The following CCDC15 variants were observed in gnomAD, a reference collection of about 807,000 sequenced individuals.
CCDC15 encodes the protein coiled-coil domain-containing protein 15.
Under a neutral mutation model 114.5 loss-of-function variants are expected in CCDC15, and 105 were observed. The ratio of observed to expected loss-of-function variants is 0.92; its 90% CI spans 0.78 to 1.08. The LOEUF (loss-of-function observed/expected upper bound fraction) is 1.08. CCDC15 is among the 50% of genes least tolerant of loss of function. The pLI is 0.00. For missense variants in CCDC15, 1,105 were observed against 1,093.6 expected (o/e 1.01, Z -0.15); for synonymous variants, 334 against 377.8 (o/e 0.88, Z 1.34).
chr11:124,992,535 A>AT (rs1453999793), intron 9 of CCDC15, 45 bp from the exon 10 acceptor site: 31 of 1,180,854 alleles, frequency 2.6e-5, no homozygotes, highest in African/African-American at 3.1e-5. Context: ...GCATTACACA[A>AT]TTTTTTTTCT....
chr11:125,039,815 C>T (rs1394212841), intron 15 of CCDC15, among the ~76,000 whole-genome samples: 1 of 151,938 alleles, frequency 6.6e-6, no homozygotes, highest in Non-Finnish European at 1.5e-5. Context: ...TGGCTCTGGG[C>T]CCTACTCTAG....
intron 13 of CCDC15, among the ~76,000 whole-genome samples, chr11:125,005,549 A>G (rs552315973): frequency 2.6e-5 from 4 of 152,306 alleles, no homozygotes; most frequent in Middle Eastern, 3.4e-3. Context: ...ATGAACCTAC[A>G]TTGACACATT....
intron 5 of CCDC15, among the ~76,000 whole-genome samples, chr11:124,976,453 C>T (rs1947974731): frequency 6.6e-6 from 1 of 152,030 alleles, no homozygotes; most frequent in African/African-American, 2.4e-5. Flanking sequence ...TTGTCTTTTT[C>T]TAGCATTGCC....
intron 13 of CCDC15, among the ~76,000 whole-genome samples, chr11:125,021,125 C>G (rs568469830): frequency 1.1e-3 from 162 of 151,718 alleles, no homozygotes; most frequent in Non-Finnish European, 1.7e-3. Context: ...AGGAGAAGGC[C>G]TAAAATGGAG....
intron 1 of CCDC15, 53 bp from the exon 2 acceptor site, chr11:124,954,671 A>G: frequency 6.5e-7 from 1 of 1,547,404 alleles, no homozygotes; most frequent in Non-Finnish European, 8.9e-7. Context: ...TAGGAGGTTG[A>G]ACTTTTAATG....
intron 13 of CCDC15, among the ~76,000 whole-genome samples, chr11:125,021,961 A>G (rs138056740): frequency 2.5e-4 from 38 of 151,964 alleles, no homozygotes; most frequent in African/African-American, 9.2e-4. Context: ...CTTTTTTTAC[A>G]AGGTTGGGAG....
In CCDC15 at chr11:124,999,854, C is replaced by CTTTTTTT. The variant is rs768089942; in HGVS notation, c.2215-3994_2215-3988dup. On this transcript the variant is annotated intron_variant, in intron 11 of 15. Transcript: ENST00000344762. ...AACTAATTTTAAGTTGTATCCTAGA[C>CTTTTTTT]TTTTTTTTTTTTTTTTTTTTTTTTT... Among the ~76,000 whole-genome samples, 60 of 70,124 alleles carry CTTTTTTT rather than the reference C, an allele frequency of 8.6e-4. 4 individuals are homozygous for CTTTTTTT. The highest frequency in any genetic ancestry group is 1.2e-3 in the Admixed American group (6 of 4,804). The allele number at this position is 70,124 out of a possible 152,430, so 46.0% of individuals were successfully genotyped here. A position where few individuals can be genotyped will look rare whatever the true frequency, so the allele number is the denominator to read the frequency against.
At position 125,001,793 on chromosome 11, in the gene CCDC15, A is replaced by G. The variant is rs111431625; in HGVS notation, c.2215-2074A>G. 6.1e-3 allele frequency among the ~76,000 whole-genome samples: 925 copies of G among 152,292 alleles called. 12 individuals carry two copies. The highest frequency in any genetic ancestry group is 0.021 in the African/African-American group (884 of 41,556). On this transcript the variant is annotated intron_variant, in intron 11 of 15. Transcript: ENST00000344762. ...TGCATATAGCACATTTTATTTATCA[A>G]TTCATCTATTGATGGAAGTTTGGCT... is the stretch of plus-strand genomic sequence containing the variant.
chr11:124,986,788 T>C lies in CCDC15; in HGVS notation c.800T>C (p.Val267Ala). 6.4e-7 allele frequency: 1 copy of C among 1,552,306 alleles called. No individual in the cohort carries two copies. Among genetic ancestry groups the C allele is most frequent in the Non-Finnish European group, 8.7e-7 (1 of 1,147,210 alleles). Residue 267 changes from valine to alanine, a missense_variant, in exon 7 of 16, where the codon GTA (valine) becomes GCA (alanine). Transcript: ENST00000344762. ...GACTATGAGGAATCTTCATCTCTTG[T>C]AACTGATGAGAAAGGGAAAGAAGAT... ...EPDYEESSSL[V>A]TDEKGKEDLF...
At chr11:125,003,697 G>T (rs956596492) in intron 11 of CCDC15, among the ~76,000 whole-genome samples, 170 bp from the exon 12 acceptor site, 2 of 151,818 alleles carry the variant, frequency 1.3e-5, no homozygotes, top group Non-Finnish European at 2.9e-5. Flanking sequence ...TTCTGAAACG[G>T]CTTCCTTTCA....
In CCDC15 at chr11:124,987,401, T is replaced by C; in HGVS notation, c.1175T>C (p.Met392Thr). 1.9e-6 allele frequency: 3 copies of C among 1,614,012 alleles called. No individual in the cohort carries two copies. Among genetic ancestry groups the C allele is most frequent in the Non-Finnish European group, 2.5e-6 (3 of 1,179,890 alleles). Residue 392 changes from methionine (M) to threonine (T), a missense_variant, in exon 8 of 16, where the codon ATG becomes ACG. Physicochemically the swap from Met to Thr is moderately conservative, Grantham distance 81. Transcript: ENST00000344762. ...QPIKTETQGI[M>T]LKAQSIELEE... ...ATTAAGACAGAAACTCAGGGTATTA[T>C]GCTGAAAGCCCAGAGTATTGAGCTA...
chr11:124,963,592 T>G (rs945895199), intron 4 of CCDC15, among the ~76,000 whole-genome samples: 6 of 152,228 alleles, frequency 3.9e-5, no homozygotes, highest in Admixed American at 2.0e-4. Flanking sequence ...TTCTGTAGGT[T>G]GCCTGTTCAC....
At chr11:125,013,613 A>G (rs1250403581) in intron 13 of CCDC15, among the ~76,000 whole-genome samples, 4 of 152,138 alleles carry the variant, frequency 2.6e-5, no homozygotes, top group Non-Finnish European at 5.9e-5. Context: ...GGGTTTGGTC[A>G]AGGGTATTTT....
At chr11:124,958,275 G>A (rs1312853180) in intron 2 of CCDC15, among the ~76,000 whole-genome samples, 1 of 152,050 alleles carries the variant, frequency 6.6e-6, no homozygotes, top group African/African-American at 2.4e-5. Context: ...TCCAACATGC[G>A]GCCATGGGCC....
chr11:125,039,227 T>G (rs1948799088), intron 15 of CCDC15, 158 bp downstream of exon 15: 1 of 525,114 alleles, frequency 1.9e-6, no homozygotes, highest in Admixed American at 3.8e-5. Context: ...GAAAAAATTA[T>G]AATGAGTTAT....
intron 13 of CCDC15, among the ~76,000 whole-genome samples, chr11:125,027,745 C>G (rs1948713830): frequency 6.6e-6 from 1 of 151,694 alleles, no homozygotes; most frequent in Admixed American, 6.6e-5. Flanking sequence ...TAATTAGGTA[C>G]CATTTATTTT....
chr11:124,992,739 C>A, intron 10 of CCDC15, 52 bp downstream of exon 10: 4 of 1,025,798 alleles, frequency 3.9e-6, no homozygotes, highest in Non-Finnish European at 5.8e-6. Flanking sequence ...GGGGAACAAG[C>A]CTAAATCATA....
At chr11:125,019,277 TA>T (rs1948647741) in intron 13 of CCDC15, among the ~76,000 whole-genome samples, 1 of 152,024 alleles carries the variant, frequency 6.6e-6, no homozygotes, top group South Asian at 2.1e-4. Flanking sequence ...TCTTAATGGA[TA>T]AAGTAGTCCT....
At chr11:124,963,260 A>G (rs933259808) in intron 4 of CCDC15, among the ~76,000 whole-genome samples, 10 of 152,240 alleles carry the variant, frequency 6.6e-5, no homozygotes, top group South Asian at 2.1e-4. Flanking sequence ...TCCCACCAAC[A>G]GTGTAAAAGT....
Sources: gnomAD v4.1 joint callset for allele counts (sites outside exome capture counted in the v4.1 genomes callset) on GRCh38, gnomAD v4.1.1 for gene constraint, MANE v1.5 for transcripts, NCBI Gene and HGNC (gene_info 2026-07-23, HGNC 2026-07-21) for gene names.